The following SSPN variants were observed in gnomAD, a reference collection of about 807,000 sequenced individuals.
SSPN encodes sarcospan.
In SSPN, 15 loss-of-function variants were observed where a neutral mutation model predicts 19.1. The observed-to-expected ratio is 0.78, with a 90% confidence interval of 0.52 to 1.21. SSPN has a LOEUF of 1.21. Among genes scored for constraint, SSPN ranks in the 50% most tolerant of loss-of-function variants. The pLI is 0.00. For missense variants in SSPN, 291 were observed against 314.0 expected (o/e 0.93, Z 0.55); for synonymous variants, 147 against 140.3 (o/e 1.05, Z -0.34).
intron 1 of SSPN, chr12:26,214,918 T>C (rs1945030859): frequency 6.6e-6 from 1 of 152,104 alleles, no homozygotes. Flanking sequence ...TGGGGGAAGC[T>C]GATTCAATGC....
chr12:26,232,543 C>T lies in SSPN; in HGVS notation c.*1467C>T. 3.0e-6 allele frequency: 3 copies of T among 985,360 alleles called. No individual in the cohort carries two copies. The highest frequency in any genetic ancestry group is 3.6e-6 in the Non-Finnish European group (3 of 829,904). 61.0% of individuals were successfully genotyped at this position (985,360 alleles called of 1,614,324 possible). A position where few individuals can be genotyped will look rare whatever the true frequency, so the allele number is the denominator to read the frequency against. On this transcript the variant is annotated 3_prime_UTR_variant, in exon 3 of 3. Coordinates refer to ENST00000242729, the MANE Select transcript of SSPN (RefSeq NM_005086.5). ...CGCCTCTCCGCATTGCCTATTGATA[C>T]ACTTTACTAATCATGAAATTCTAAC...
Position 26,122,423 on chromosome 12 carries a change from C to G in SSPN, c.-31+271C>G. On this transcript the variant is annotated intron_variant, in intron 1 of 2. Transcript: ENST00000538142. ...CCAGGCCGCTCTTGTCCAGGAAGGG[C>G]TGCACGTAGGCGGCAGCTGCAGAAG... is the stretch of plus-strand genomic sequence containing the variant. The G allele has an allele frequency of 1.5e-6, 2 of 1,343,192 alleles. No individual in the cohort carries two copies. Among genetic ancestry groups the G allele is most frequent in the Admixed American group, 2.7e-5 (1 of 37,128 alleles). The allele number at this position is 1,343,192 out of a possible 1,614,324, so 83.2% of individuals were successfully genotyped here.
At chr12:26,201,046 T>TATATATATAA (rs59727119) in intron 1 of SSPN, among the ~76,000 whole-genome samples, 1 of 77,210 alleles carries the variant, frequency 1.3e-5, no homozygotes, top group African/African-American at 5.3e-5. Context: ...TATATATATA[T>TATATATATAA]TATATATATA....
intron 1 of SSPN, among the ~76,000 whole-genome samples, chr12:26,161,094 A>C (rs1842322): frequency 0.98 from 138,071 of 141,584 alleles, 67,421 homozygotes; most frequent in Non-Finnish European, 1. Flanking sequence ...GGTGACAGAG[A>C]AAGACTCTGT....
intron 1 of SSPN, among the ~76,000 whole-genome samples, chr12:26,178,899 C>T (rs1236785824): frequency 1.3e-5 from 2 of 152,184 alleles, no homozygotes; most frequent in Non-Finnish European, 2.9e-5. Context: ...AAATCATTCA[C>T]TTATAGAGTA....
intron 1 of SSPN, among the ~76,000 whole-genome samples, chr12:26,207,972 C>T (rs1048658566): frequency 6.6e-6 from 1 of 150,446 alleles, no homozygotes; most frequent in African/African-American, 2.4e-5. Flanking sequence ...CGCACTTCAG[C>T]CTGGGCAACA....
rs1200036617 is a variant in SSPN at position 26,195,808 on chromosome 12, A to T, written c.136A>T (p.Thr46Ser). The part of the protein sequence containing the change: ...PKECGEEEPR[T>S]CCGCRFPLLL... ...GGAGTGCGGGGAGGAGGAGCCCCGGACCTGCTGCGGCTGCCGGTTCCCGCT... is the reference window on the plus strand; with the variant it reads ...GGAGTGCGGGGAGGAGGAGCCCCGGTCCTGCTGCGGCTGCCGGTTCCCGCT... The change falls in exon 1 of 3, where the codon ACC (threonine) becomes TCC (serine). Residue 46 changes from threonine (T) to serine (S), a missense_variant. Physicochemically the swap from Thr to Ser is moderately conservative, Grantham distance 58. This residue lies in a region of SSPN where 139 missense variants were observed against 119.6 expected (regional missense o/e 1.16). Coordinates refer to ENST00000242729, the MANE Select transcript of SSPN (RefSeq NM_005086.5). 2 of 1,536,392 alleles carry T rather than the reference A, an allele frequency of 1.3e-6. No homozygotes were observed. Among genetic ancestry groups the T allele is most frequent in the Non-Finnish European group, 1.7e-6 (2 of 1,144,128 alleles).
At position 26,223,499 on chromosome 12, in the gene SSPN, C is replaced by T. The variant is rs575332361; in HGVS notation, c.280-794C>T. Among the ~76,000 whole-genome samples, 29 of 138,188 alleles carry T rather than the reference C, an allele frequency of 2.1e-4. No homozygotes were observed. The South Asian group carries it at 2.4e-3, about 11-fold the overall frequency. The allele number at this position is 138,188 out of a possible 152,430, so 90.7% of individuals were successfully genotyped here. ...TGTTGGGATGACAGGCATGAGGCAC[C>T]GCACCCGCTTATATGTCATTGTTTT... is the stretch of plus-strand genomic sequence containing the variant. On this transcript the variant is annotated intron_variant, in intron 1 of 2. Coordinates refer to ENST00000242729, the MANE Select transcript of SSPN (RefSeq NM_005086.5).
chr12:26,122,588 AG>A, intron 1 of SSPN: 1 of 1,101,958 alleles, frequency 9.1e-7, no homozygotes, highest in Non-Finnish European at 1.1e-6. Context: ...CCGCGGCGGC[AG>A]GGTCGGGCCC....
rs573283303 is a variant in SSPN, at chr12:26,225,425, T to C, written c.366+1046T>C. Among the ~76,000 whole-genome samples, 3 of 152,296 alleles carry C rather than the reference T, an allele frequency of 2.0e-5. No homozygotes were observed. The South Asian group carries it at 6.2e-4, about 32-fold the overall frequency. ...AAAGCTGGTTACACAAAATGTATGA[T>C]ATTATCCTACAGAAAAAATAAAAGC... is the stretch of plus-strand genomic sequence containing the variant. On this transcript the variant is annotated intron_variant, in intron 2 of 2. Transcript: ENST00000242729.
Position 26,213,912 on chromosome 12 carries a change from CTT to C in SSPN, c.280-10380_280-10379del, listed in dbSNP as rs148884166. On this transcript the variant is annotated intron_variant, in intron 1 of 2. Coordinates refer to ENST00000242729, the MANE Select transcript of SSPN (RefSeq NM_005086.5). ...CCCATCAAGGTAGGGATTTTTCTCT[CTT>C]CTTTTCACTGTAGTATCTCCAAGCC... Among the ~76,000 whole-genome samples the C allele has an allele frequency of 4.5e-3, 678 of 152,184 alleles. 2 individuals carry two copies. The highest frequency in any genetic ancestry group is 0.015 in the African/African-American group (613 of 41,542).
chr12:26,200,832 G>A (rs1397776557), intron 1 of SSPN, among the ~76,000 whole-genome samples: 3 of 151,302 alleles, frequency 2.0e-5, no homozygotes, highest in Non-Finnish European at 1.5e-5. Context: ...TTTTTATTAT[G>A]GCAACTGCCA....
intron 2 of SSPN, among the ~76,000 whole-genome samples, chr12:26,226,368 A>G (rs1385099463): frequency 2.6e-5 from 4 of 152,160 alleles, no homozygotes; most frequent in African/African-American, 4.8e-5. Flanking sequence ...AAGCTTTGTT[A>G]GAGGATTTAT....
chr12:26,135,751 C>A (rs1253880830), intron 1 of SSPN, among the ~76,000 whole-genome samples: 1 of 152,160 alleles, frequency 6.6e-6, no homozygotes, highest in Non-Finnish European at 1.5e-5. Flanking sequence ...CAAATATAGC[C>A]CCGGTGACCA....
chr12:26,219,566 T>G (rs1945097109), intron 1 of SSPN, among the ~76,000 whole-genome samples: 1 of 152,240 alleles, frequency 6.6e-6, no homozygotes. Context: ...TCACTCTGCA[T>G]GGACAAAAAG....
At chr12:26,186,505 T>C (rs764344090) in intron 1 of SSPN, among the ~76,000 whole-genome samples, 1 of 152,238 alleles carries the variant, frequency 6.6e-6, no homozygotes, top group Non-Finnish European at 1.5e-5. Flanking sequence ...TGCCCTAGAA[T>C]GGCTTCATGT....
Position 26,231,987 on chromosome 12 carries a change from T to G in SSPN, c.*911T>G, listed in dbSNP as rs1374100070. On this transcript the variant is annotated 3_prime_UTR_variant, in exon 3 of 3. Transcript: ENST00000242729. ...GCAGAGGCCTGAAGATTCTTTCTTC[T>G]GAAAGCCAAGCACCACAAGGAAAAA... The G allele has an allele frequency of 4.5e-5, 43 of 964,104 alleles. No individual in the cohort carries two copies. The highest frequency in any genetic ancestry group is 6.0e-5 in the African/African-American group (3 of 49,804). The allele number at this position is 964,104 out of a possible 1,614,324, so 59.7% of individuals were successfully genotyped here. A position where few individuals can be genotyped will look rare whatever the true frequency, so the allele number is the denominator to read the frequency against.
At chr12:26,214,863 C>G (rs1018383355) in intron 1 of SSPN, 1 of 142,422 alleles carries the variant, frequency 7.0e-6, no homozygotes, top group African/African-American at 2.6e-5. Context: ...TATTTAAGCC[C>G]TATGTGATTA....
chr12:26,139,057 T>G (rs1270565631), intron 1 of SSPN, among the ~76,000 whole-genome samples: 1 of 152,166 alleles, frequency 6.6e-6, no homozygotes, highest in East Asian at 1.9e-4. Context: ...ATGAAAAATG[T>G]AGGTGTGTGC....
Sources: gnomAD v4.1 joint callset for allele counts (sites outside exome capture counted in the v4.1 genomes callset) on GRCh38, gnomAD v4.1.1 for gene constraint, gnomAD v4.1.1 regional missense constraint, MANE v1.5 for transcripts, NCBI Gene and HGNC (gene_info 2026-07-23, HGNC 2026-07-21) for gene names.